The following SLC1A2 variants were observed in gnomAD, a reference collection of about 807,000 sequenced individuals.
The protein encoded by SLC1A2 is solute carrier family 1 member 2, also known as excitatory amino acid transporter 2.
SLC1A2 carries 15 observed loss-of-function variants against 48.8 expected under a neutral mutation model. The ratio of observed to expected loss-of-function variants is 0.31; its 90% CI spans 0.21 to 0.47. The LOEUF (loss-of-function observed/expected upper bound fraction) is 0.47, where lower values mean the gene tolerates loss of function less well. SLC1A2 is among the 20% of genes least tolerant of loss of function. The pLI is 0.99. For missense variants in SLC1A2, 502 were observed against 730.5 expected, an observed-to-expected ratio of 0.69 and a Z score of 3.61; for synonymous variants, 279 against 272.6, an observed-to-expected ratio of 1.02 and a Z score of -0.23.
At chr11:35,380,513 G>A (rs151122988) in intron 1 of SLC1A2, 59 of 398,152 alleles carry the variant, frequency 1.5e-4, no homozygotes, top group African/African-American at 9.2e-4. Flanking sequence ...CTGATCTCTC[G>A]ATACATCTTA....
chr11:35,384,547 T>C (rs1344947547), intron 1 of SLC1A2, among the ~76,000 whole-genome samples: 2 of 152,250 alleles, frequency 1.3e-5, no homozygotes, highest in Non-Finnish European at 2.9e-5. Flanking sequence ...GAATCCTTAA[T>C]GAATCTCAAA....
At chr11:35,410,779 C>T (rs1333789514) in intron 1 of SLC1A2, among the ~76,000 whole-genome samples, 1 of 152,150 alleles carries the variant, frequency 6.6e-6, no homozygotes, top group Non-Finnish European at 1.5e-5. Context: ...AAGGGCCATC[C>T]CTGTTCCAGA....
At position 35,347,407 on chromosome 11, in the gene SLC1A2, G is replaced by C. The variant is rs139919033; in HGVS notation, c.18-29891C>G. On this transcript the variant is annotated intron_variant, in intron 1 of 10. Transcript: ENST00000278379. Reference sequence around the variant, plus strand: ...GGCATTTGGACCACTTTAAAGACCAGAAAAAGGATCACAAGCAGATTTCAT... The same window carrying C: ...GGCATTTGGACCACTTTAAAGACCACAAAAAGGATCACAAGCAGATTTCAT... 1.9e-3 allele frequency among the ~76,000 whole-genome samples: 291 copies of C among 152,298 alleles called. 1 individual carries two copies. The highest frequency in any genetic ancestry group is 6.8e-3 in the African/African-American group (282 of 41,560).
chr11:35,335,749 G>A (rs1184509892), intron 1 of SLC1A2, among the ~76,000 whole-genome samples: 1 of 152,008 alleles, frequency 6.6e-6, no homozygotes, highest in Non-Finnish European at 1.5e-5. Flanking sequence ...GATCACTTGA[G>A]GCCAGGAGTT....
chr11:35,391,584 T>A (rs1854771126), intron 1 of SLC1A2: 2 of 152,230 alleles, frequency 1.3e-5, no homozygotes, highest in African/African-American at 4.8e-5. Context: ...GGAGAACCAA[T>A]CAGCCCACCT....
Position 35,384,630 on chromosome 11 carries a change from A to G in SLC1A2, c.17+34320T>C, listed in dbSNP as rs116703604. ...TGAAGATTATTTGCTTGTTGAAGTT[A>G]CCTATGCATTTCCACTGTGGCATAT... On this transcript the variant is annotated intron_variant, in intron 1 of 10. Transcript: ENST00000278379. Among the ~76,000 whole-genome samples the G allele has an allele frequency of 5.3e-3, 801 of 152,342 alleles. 11 individuals are homozygous for G. Among genetic ancestry groups the G allele is most frequent in the African/African-American group, 0.018 (754 of 41,584 alleles).
intron 8 of SLC1A2, among the ~76,000 whole-genome samples, chr11:35,283,791 G>T (rs2134700418): frequency 6.6e-6 from 1 of 152,136 alleles, no homozygotes; most frequent in East Asian, 1.9e-4. Context: ...ATTTTGAAAG[G>T]CTTGATCTTC....
chr11:35,419,112 G>A lies in SLC1A2; in HGVS notation c.-146C>T. 1 of 584,112 alleles carries A rather than the reference G, an allele frequency of 1.7e-6. No individual in the cohort carries two copies. Among genetic ancestry groups the A allele is most frequent in the East Asian group, 3.4e-5 (1 of 29,124 alleles). The allele number at this position is 584,112 out of a possible 1,614,324, so 36.2% of individuals were successfully genotyped here. ...GCCCTTCCACCCGCCTCCGGGGTAA[G>A]CCCTTTAGCGCCTCAACGGGCGCAG... On this transcript the variant is annotated 5_prime_UTR_variant, in exon 1 of 11. Transcript: ENST00000278379. The surrounding 1 kb of genome is among the most constrained non-coding windows in gnomAD (Gnocchi z 5.4).
At chr11:35,317,701 G>A (rs1851928928) in intron 1 of SLC1A2, among the ~76,000 whole-genome samples, 185 bp from the exon 2 acceptor site, 1 of 152,156 alleles carries the variant, frequency 6.6e-6, no homozygotes, top group South Asian at 2.1e-4. Context: ...GAACTGATGT[G>A]GATCCTCCCA....
chr11:35,361,388 T>C (rs922569695), intron 1 of SLC1A2, among the ~76,000 whole-genome samples: 1 of 152,240 alleles, frequency 6.6e-6, no homozygotes, highest in Admixed American at 6.5e-5. Flanking sequence ...ACTATATAGA[T>C]GTATGGATTT....
At chr11:35,282,801 T>C (rs1034359470) in intron 8 of SLC1A2, among the ~76,000 whole-genome samples, 1 of 152,156 alleles carries the variant, frequency 6.6e-6, no homozygotes, top group Non-Finnish European at 1.5e-5. Flanking sequence ...TGAGACAAAG[T>C]CTTAGAAAGA....
intron 1 of SLC1A2, among the ~76,000 whole-genome samples, chr11:35,401,383 G>T (rs1855135322): frequency 6.6e-6 from 1 of 152,134 alleles, no homozygotes; most frequent in South Asian, 2.1e-4. Flanking sequence ...TTCTTTCAGG[G>T]CCTGTTATCC....
At chr11:35,339,879 C>T (rs148725220) in intron 1 of SLC1A2, among the ~76,000 whole-genome samples, 18 of 152,280 alleles carry the variant, frequency 1.2e-4, no homozygotes, top group African/African-American at 4.3e-4. Flanking sequence ...CTGTATTCTC[C>T]TTAGCTCTGT....
At chr11:35,327,539 T>C (rs1166022088) in intron 1 of SLC1A2, among the ~76,000 whole-genome samples, 2 of 152,196 alleles carry the variant, frequency 1.3e-5, no homozygotes, top group Admixed American at 6.5e-5. Flanking sequence ...TCCATGCCCA[T>C]AACAGCAAAG....
chr11:35,389,503 T>C (rs966697520), intron 1 of SLC1A2, among the ~76,000 whole-genome samples: 19 of 152,032 alleles, frequency 1.2e-4, no homozygotes, highest in African/African-American at 4.1e-4. Context: ...AGAGCTTCAC[T>C]CTTGTCACCC....
At chr11:35,273,329 G>T (rs1850337790) in intron 9 of SLC1A2, among the ~76,000 whole-genome samples, 1 of 152,150 alleles carries the variant, frequency 6.6e-6, no homozygotes, top group Non-Finnish European at 1.5e-5. Flanking sequence ...ATCCACGTAA[G>T]CATTGGCTAA....
At chr11:35,262,968 C>T (rs934088489) in intron 10 of SLC1A2, among the ~76,000 whole-genome samples, 3 of 152,126 alleles carry the variant, frequency 2.0e-5, no homozygotes. Flanking sequence ...AAAAGGTTAC[C>T]TAAAACACAG....
chr11:35,410,137 G>A (rs1285974504), intron 1 of SLC1A2, among the ~76,000 whole-genome samples: 1 of 109,802 alleles, frequency 9.1e-6, no homozygotes, highest in East Asian at 2.7e-4. Context: ...GCTTTATTTA[G>A]TTCCTTATTT....
At chr11:35,303,697 C>A (rs1224512294) in intron 5 of SLC1A2, among the ~76,000 whole-genome samples, 3 of 152,114 alleles carry the variant, frequency 2.0e-5, no homozygotes, top group Non-Finnish European at 4.4e-5. Flanking sequence ...CAGAAACTGG[C>A]CATATCTATG....
Sources: allele counts gnomAD v4.1 joint callset (sites outside exome capture counted in the v4.1 genomes callset), GRCh38; gene constraint gnomAD v4.1.1; non-coding constraint Gnocchi (gnomAD v3.1); transcripts MANE v1.5; gene names NCBI Gene and HGNC (gene_info 2026-07-23, HGNC 2026-07-21).